Variants in FAT3 observed in about 807,000 individuals in gnomAD.
The protein encoded by FAT3 is FAT atypical cadherin 3.
FAT3 carries 95 observed loss-of-function variants against 310.2 expected under a neutral mutation model. The observed-to-expected ratio is 0.31, with a 90% CI of 0.26 to 0.36. FAT3 has a LOEUF of 0.36. Among genes scored for constraint, FAT3 ranks in the 10% least tolerant of loss-of-function variants. FAT3 has a pLI of 1.00. For synonymous variants in FAT3, 2,314 were observed against 2,192.9 expected (o/e 1.06, Z -1.54); for missense variants, 5,408 against 5,715.6 (o/e 0.95, Z 1.74).
At chr11:92,813,963 G>A (rs1316185936) in intron 13 of FAT3, among the ~76,000 whole-genome samples, 1 of 152,184 alleles carries the variant, frequency 6.6e-6, no homozygotes, top group Non-Finnish European at 1.5e-5. Flanking sequence ...GAGGTGATTA[G>A]GTCCTGAGGG....
chr11:92,351,530 T>C (rs1948566038), intron 1 of FAT3, among the ~76,000 whole-genome samples: 1 of 152,234 alleles, frequency 6.6e-6, no homozygotes, highest in Non-Finnish European at 1.5e-5. Flanking sequence ...TGACCTTTTT[T>C]CCTTAGCATT....
Position 92,835,077 on chromosome 11 carries a change from T to C in FAT3, c.10079T>C (p.Val3360Ala). 6.2e-7 allele frequency: 1 copy of C among 1,612,004 alleles called. No individual in the cohort carries two copies. Among genetic ancestry groups the C allele is most frequent in the Non-Finnish European group, 8.5e-7 (1 of 1,179,356 alleles). ...GAAGACGCCTTGGTGGGAGACTCTG[T>C]CATTTTGGTAGGTACCTGGGGTTGG... The part of the protein sequence containing the change: ...ISEDALVGDS[V>A]ILLIAEDVDS... Residue 3360 changes from valine to alanine, a missense_variant, in exon 15 of 28, where the codon GTC becomes GCC. This residue lies in a region of FAT3 where 4,588 missense variants were observed against 4,809.8 expected (regional missense o/e 0.95). Coordinates refer to ENST00000525166, the MANE Select transcript of FAT3 (RefSeq NM_001367949.2).
At chr11:92,503,191 G>A (rs538720748) in intron 2 of FAT3, among the ~76,000 whole-genome samples, 14 of 152,130 alleles carry the variant, frequency 9.2e-5, no homozygotes, top group African/African-American at 2.4e-4. Flanking sequence ...AATTTCCATC[G>A]ACTTTGCTTA....
At chr11:92,457,551 C>A (rs1447058415) in intron 2 of FAT3, among the ~76,000 whole-genome samples, 4 of 152,166 alleles carry the variant, frequency 2.6e-5, no homozygotes, top group African/African-American at 9.7e-5. Context: ...TAAAAAAAAT[C>A]TATTAAAAAA....
intron 20 of FAT3, among the ~76,000 whole-genome samples, chr11:92,857,596 T>G (rs943896838): frequency 1.3e-5 from 2 of 152,192 alleles, no homozygotes; most frequent in Admixed American, 1.3e-4. Flanking sequence ...CAACATGTGT[T>G]TTTTATCATG....
At chr11:92,667,196 C>T (rs1322757675) in intron 3 of FAT3, among the ~76,000 whole-genome samples, 1 of 152,192 alleles carries the variant, frequency 6.6e-6, no homozygotes, top group African/African-American at 2.4e-5. Flanking sequence ...TTTAGCTACA[C>T]ATGTGCATTT....
At chr11:92,388,741 A>G (rs1000918489) in intron 2 of FAT3, among the ~76,000 whole-genome samples, 2 of 152,178 alleles carry the variant, frequency 1.3e-5, no homozygotes, top group Non-Finnish European at 2.9e-5. Flanking sequence ...AAGTACTATA[A>G]TAAAAGAATA....
At chr11:92,712,849 A>G (rs1338997978) in intron 4 of FAT3, among the ~76,000 whole-genome samples, 8 of 152,334 alleles carry the variant, frequency 5.3e-5, no homozygotes. Flanking sequence ...TGAACCACCT[A>G]CAGTTTAACT....
chr11:92,333,025 T>A (rs1393529316), intron 1 of FAT3, among the ~76,000 whole-genome samples: 32 of 152,192 alleles, frequency 2.1e-4, no homozygotes, highest in Admixed American at 2.1e-3. Context: ...GTTTAAGTGA[T>A]CTCAGCGTTA....
intron 1 of FAT3, among the ~76,000 whole-genome samples, chr11:92,229,510 T>TTTCTTTTTTTTTTTTTTTTTTTTTTTC (rs1555062597): frequency 1.3e-5 from 1 of 77,142 alleles, no homozygotes; most frequent in African/African-American, 4.0e-5. Flanking sequence ...TTTTTTTGTT[T>TTTCTTTTTTTTTTTTTTTTTTTTTTTC]TTTGTTTTTT....
chr11:92,568,474 G>A (rs1295219548), intron 3 of FAT3, among the ~76,000 whole-genome samples: 1 of 152,072 alleles, frequency 6.6e-6, no homozygotes. Context: ...TTGCCTCACG[G>A]GGATTGATGC....
chr11:92,888,468 T>G (rs1409230791), intron 25 of FAT3, among the ~76,000 whole-genome samples: 1 of 152,216 alleles, frequency 6.6e-6, no homozygotes, highest in African/African-American at 2.4e-5. Flanking sequence ...CTTGCCCTTT[T>G]AGGGTTAACC....
chr11:92,842,005 A>C (rs77377999), intron 18 of FAT3, among the ~76,000 whole-genome samples: 2,136 of 152,180 alleles, frequency 0.014, 51 homozygotes, highest in African/African-American at 0.049. Flanking sequence ...CTTAGACCAA[A>C]TCCTGCCCTC....
At chr11:92,802,680 T>C (rs1947394770) in intron 10 of FAT3, among the ~76,000 whole-genome samples, 1 of 151,996 alleles carries the variant, frequency 6.6e-6, no homozygotes. Flanking sequence ...GGGGGGTGGG[T>C]TAAAGCTAAT....
intron 1 of FAT3, among the ~76,000 whole-genome samples, chr11:92,257,347 G>T (rs12805227): frequency 0.051 from 7,814 of 152,118 alleles, 273 homozygotes; most frequent in African/African-American, 0.092. Flanking sequence ...AGTGGTACCA[G>T]GTTTAGGGTA....
Position 92,799,387 on chromosome 11 carries a change from A to G in FAT3, c.6374A>G (p.Asp2125Gly). Residue 2125 changes from aspartate (D) to glycine (G), a missense_variant, in exon 10 of 28, where the codon GAT becomes GGT. By Grantham distance (94) the Asp-to-Gly change is moderately conservative. This residue lies in a region of FAT3 where 4,588 missense variants were observed against 4,809.8 expected (regional missense o/e 0.95). Coordinates refer to ENST00000525166, the MANE Select transcript of FAT3 (RefSeq NM_001367949.2). ...PNGEVTYVLQ[D>G]DYGHFEINPN... is the part of the protein sequence containing the mutation. ...GGAGAAGTGACCTATGTCCTGCAGG[A>G]TGACTATGGCCACTTTGAAATTAAC... 1 of 1,613,808 alleles carries G rather than the reference A, an allele frequency of 6.2e-7. No homozygotes were observed. Among genetic ancestry groups the G allele is most frequent in the Non-Finnish European group, 8.5e-7 (1 of 1,179,824 alleles).
At chr11:92,613,893 C>G (rs1940684657) in intron 3 of FAT3, among the ~76,000 whole-genome samples, 1 of 152,186 alleles carries the variant, frequency 6.6e-6, no homozygotes, top group South Asian at 2.1e-4. Flanking sequence ...TTATCAGTCA[C>G]TTCCCATTTT....
chr11:92,549,855 A>G (rs558216118), intron 3 of FAT3, among the ~76,000 whole-genome samples: 184 of 152,290 alleles, frequency 1.2e-3, no homozygotes, highest in African/African-American at 4.3e-3. Flanking sequence ...AATGATACCC[A>G]ACATTTTTTA....
chr11:92,367,779 G>A (rs889425559), intron 2 of FAT3, among the ~76,000 whole-genome samples: 1 of 152,162 alleles, frequency 6.6e-6, no homozygotes, highest in Non-Finnish European at 1.5e-5. Flanking sequence ...CGGCATTGTG[G>A]GATGAGTTTT....
Sources: allele counts gnomAD v4.1 joint callset (sites outside exome capture counted in the v4.1 genomes callset), GRCh38; gene constraint gnomAD v4.1.1; regional missense constraint gnomAD v4.1.1; transcripts MANE v1.5; gene names NCBI Gene and HGNC (gene_info 2026-07-23, HGNC 2026-07-21).